KCNQ1: variants seen among roughly 807,000 people sequenced by gnomAD.
KCNQ1 encodes the protein potassium voltage-gated channel subfamily Q member 1.
A neutral mutation model predicts 72.4 loss-of-function variants in KCNQ1; 49 were observed. The observed-to-expected ratio is 0.68, with a 90% confidence interval of 0.54 to 0.86. The LOEUF is 0.86. Among genes scored for constraint, KCNQ1 ranks in the 40% least tolerant of loss-of-function variants. The pLI is 0.00. For missense variants in KCNQ1, 790 were observed against 945.1 expected, an observed-to-expected ratio of 0.84 and a Z score of 2.15; for synonymous variants, 450 against 412.6, an observed-to-expected ratio of 1.09 and a Z score of -1.10.
rs114056977 is a variant in KCNQ1, at chr11:2,515,767, G to C, written c.387-12161G>C. On this transcript the variant is annotated intron_variant, in intron 1 of 15. Transcript: ENST00000155840. The surrounding 1 kb of genome is among the most constrained non-coding windows in gnomAD (Gnocchi z 4.7). ...GTCTTATCACAGCCCAGGGAGCCAG[G>C]CTTGGTGTGGCCGGCCCTGGGAGCA... is the stretch of plus-strand genomic sequence containing the variant. Among the ~76,000 whole-genome samples, 3,024 of 152,176 alleles carry C rather than the reference G, an allele frequency of 0.02. 87 individuals carry two copies. The highest frequency in any genetic ancestry group is 0.062 in the African/African-American group (2,558 of 41,492).
At chr11:2,777,588 G>C (rs1056363408) in intron 14 of KCNQ1, 1 of 532,616 alleles carries the variant, frequency 1.9e-6, no homozygotes, top group Admixed American at 3.8e-5. Flanking sequence ...AGCAGCCACG[G>C]CTCATAGTGT....
At position 2,550,587 on chromosome 11, in the gene KCNQ1, A is replaced by G. The variant is rs1847968784; in HGVS notation, c.478-20041A>G. On this transcript the variant is annotated intron_variant, in intron 2 of 15. Coordinates refer to ENST00000155840, the MANE Select transcript of KCNQ1 (RefSeq NM_000218.3). The surrounding 1 kb of genome is among the most constrained non-coding windows in gnomAD (Gnocchi z 6.0). ...GCAGGGTAGGGGAACAAATGCCAAC[A>G]CGTGAGCTGAGTGACCGGAAGAGGG... 6.6e-6 allele frequency among the ~76,000 whole-genome samples: 1 copy of G among 152,112 alleles called. No individual in the cohort carries two copies.
At chr11:2,819,367 G>C (rs1270197627) in intron 15 of KCNQ1, among the ~76,000 whole-genome samples, 1 of 152,172 alleles carries the variant, frequency 6.6e-6, no homozygotes, top group East Asian at 1.9e-4. Flanking sequence ...GGCAAGCTGG[G>C]GATTTGGGAA....
Position 2,671,301 on chromosome 11 carries a change from T to G in KCNQ1, c.1514+9220T>G. 2.5e-6 allele frequency: 1 copy of G among 398,530 alleles called. No homozygotes were observed. The highest frequency in any genetic ancestry group is 1.3e-4 in the South Asian group (1 of 7,846). The allele number at this position is 398,530 out of a possible 1,614,324, so 24.7% of individuals were successfully genotyped here. A position where few individuals can be genotyped will look rare whatever the true frequency, so the allele number is the denominator to read the frequency against. On this transcript the variant is annotated intron_variant, in intron 11 of 15. Transcript: ENST00000155840. This position sits in a 1 kb window ranked among gnomAD's most constrained non-coding sequence, Gnocchi z 4.7. ...AGCCTCTGATCTTCTCCATAAGTAA[T>G]CTTTTCCCATGTGTGGCTGCAGCCT...
chr11:2,585,578 G>A (rs1004145502), intron 8 of KCNQ1, among the ~76,000 whole-genome samples: 2 of 152,338 alleles, frequency 1.3e-5, no homozygotes, highest in East Asian at 1.9e-4. Flanking sequence ...AGGAGTGGAC[G>A]TGGTTGGCTC....
intron 1 of KCNQ1, among the ~76,000 whole-genome samples, chr11:2,474,383 T>C (rs533397631): frequency 2.4e-4 from 37 of 152,248 alleles, no homozygotes; most frequent in African/African-American, 8.9e-4. Context: ...GATGTGCCGG[T>C]GTCCAGGCTG....
chr11:2,633,350 C>T, intron 10 of KCNQ1: 1 of 398,330 alleles, frequency 2.5e-6, no homozygotes, highest in South Asian at 1.3e-4. Context: ...TTATTATTTC[C>T]TTTTATGTGT....
At chr11:2,786,402 T>C (rs930129023) in intron 15 of KCNQ1, among the ~76,000 whole-genome samples, 3 of 152,184 alleles carry the variant, frequency 2.0e-5, no homozygotes, top group Non-Finnish European at 4.4e-5. Flanking sequence ...CACTAGGATA[T>C]GTTAATAGGT....
chr11:2,757,472 A>G (rs1490866016), intron 11 of KCNQ1, among the ~76,000 whole-genome samples: 2 of 152,252 alleles, frequency 1.3e-5, no homozygotes. Context: ...TGGAAAACTC[A>G]AAATAGTAAA....
chr11:2,571,196 C>A, intron 3 of KCNQ1, 129 bp from the exon 4 acceptor site: 2 of 777,518 alleles, frequency 2.6e-6, no homozygotes, highest in Non-Finnish European at 4.5e-6. Context: ...GTCTCCATGT[C>A]CCCGGTCATC....
intron 2 of KCNQ1, among the ~76,000 whole-genome samples, chr11:2,558,380 C>T (rs1848103321): frequency 6.6e-6 from 1 of 152,232 alleles, no homozygotes; most frequent in South Asian, 2.1e-4. Flanking sequence ...GGTTCTCACC[C>T]CTTGCCAGGT....
chr11:2,814,451 T>G, intron 15 of KCNQ1, among the ~76,000 whole-genome samples: 2 of 144,780 alleles, frequency 1.4e-5, no homozygotes, highest in East Asian at 2.1e-4. Context: ...AAGAGATGGG[T>G]GGGTGGATGG....
chr11:2,587,827 CG>C, intron 9 of KCNQ1, 135 bp downstream of exon 9: 2 of 1,262,380 alleles, frequency 1.6e-6, no homozygotes, highest in Non-Finnish European at 2.3e-6. Context: ...CAGCATCGTT[CG>C]GGACACTGGG....
intron 6 of KCNQ1, among the ~76,000 whole-genome samples, chr11:2,581,689 G>A (rs1000167636): frequency 6.6e-6 from 1 of 152,264 alleles, no homozygotes; most frequent in African/African-American, 2.4e-5. Flanking sequence ...TCTGTGTGAC[G>A]CACGTGCGTG....
Position 2,543,693 on chromosome 11 carries a change from C to A in KCNQ1, c.477+15675C>A, listed in dbSNP as rs79497294. 6.6e-6 allele frequency among the ~76,000 whole-genome samples: 1 copy of A among 152,176 alleles called. No individual in the cohort carries two copies. The highest frequency in any genetic ancestry group is 1.5e-5 in the Non-Finnish European group (1 of 68,032). On this transcript the variant is annotated intron_variant, in intron 2 of 15. Coordinates refer to ENST00000155840, the MANE Select transcript of KCNQ1 (RefSeq NM_000218.3). The surrounding 1 kb of genome is among the most constrained non-coding windows in gnomAD (Gnocchi z 5.6). ...TTAGGAAATGCTTACCAAACACACTCTTACTAAGATTTTCTGCTAGTAGTT... is the reference window on the plus strand; with the variant it reads ...TTAGGAAATGCTTACCAAACACACTATTACTAAGATTTTCTGCTAGTAGTT...
chr11:2,717,990 A>G (rs1019016608), intron 11 of KCNQ1, among the ~76,000 whole-genome samples: 1 of 152,236 alleles, frequency 6.6e-6, no homozygotes, highest in Admixed American at 6.5e-5. Flanking sequence ...AGGCTGCGAA[A>G]GCTGCGTCTG....
chr11:2,587,143 C>T (rs1190341760), intron 8 of KCNQ1, among the ~76,000 whole-genome samples: 6 of 152,204 alleles, frequency 3.9e-5, no homozygotes, highest in Non-Finnish European at 7.3e-5. Context: ...AGGTCCTGGG[C>T]GACCCCTCTT....
rs1850985858 is a variant in KCNQ1, at chr11:2,710,565, A to C, written c.1514+48484A>C. ...AATAACAACATGTAATCTGAGGTCA[A>C]AAAGATTTACCCCTATATTTTCTTC... On this transcript the variant is annotated intron_variant, in intron 11 of 15. Coordinates refer to ENST00000155840, the MANE Select transcript of KCNQ1 (RefSeq NM_000218.3). The surrounding 1 kb of genome is among the most constrained non-coding windows in gnomAD (Gnocchi z 4.1). 6.6e-6 allele frequency among the ~76,000 whole-genome samples: 1 copy of C among 152,188 alleles called. No individual in the cohort carries two copies. Among genetic ancestry groups the C allele is most frequent in the African/African-American group, 2.4e-5 (1 of 41,450 alleles).
chr11:2,647,213 C>A lies in KCNQ1; in HGVS notation c.1394-14748C>A, dbSNP rs1002932116. ...TTTTGAATTTTATCAGATGCTTTTT[C>A]TGCATCTATTGAGATGATCATGTAT... is the stretch of plus-strand genomic sequence containing the variant. On this transcript the variant is annotated intron_variant, in intron 10 of 15. Coordinates refer to ENST00000155840, the MANE Select transcript of KCNQ1 (RefSeq NM_000218.3). This position sits in a 1 kb window ranked among gnomAD's most constrained non-coding sequence, Gnocchi z 4.0. The A allele has an allele frequency of 3.0e-5, 12 of 397,982 alleles. No homozygotes were observed. The highest frequency in any genetic ancestry group is 5.3e-5 in the Non-Finnish European group (12 of 225,976). 24.7% of individuals were successfully genotyped at this position (397,982 alleles called of 1,614,324 possible). A position where few individuals can be genotyped will look rare whatever the true frequency, so the allele number is the denominator to read the frequency against.
Sources: allele counts gnomAD v4.1 joint callset (sites outside exome capture counted in the v4.1 genomes callset), GRCh38; gene constraint gnomAD v4.1.1; non-coding constraint Gnocchi (gnomAD v3.1); transcripts MANE v1.5; gene names NCBI Gene and HGNC (gene_info 2026-07-23, HGNC 2026-07-21).